PTPN4: variants seen among roughly 807,000 people sequenced by gnomAD.
PTPN4 encodes tyrosine-protein phosphatase non-receptor type 4.
Under a neutral mutation model 135.5 loss-of-function variants are expected in PTPN4, and 49 were observed. The ratio of observed to expected loss-of-function variants is 0.36; its 90% CI spans 0.29 to 0.46. PTPN4 has a LOEUF of 0.46. PTPN4 is among the 20% of genes least tolerant of loss of function. The pLI is 1.00. For missense variants in PTPN4, 860 were observed against 1,101.0 expected (o/e 0.78, Z 3.10); for synonymous variants, 333 against 369.9 (o/e 0.90, Z 1.14).
At chr2:119,794,294 C>T (rs1215296431) in intron 1 of PTPN4, among the ~76,000 whole-genome samples, 1 of 152,192 alleles carries the variant, frequency 6.6e-6, no homozygotes, top group African/African-American at 2.4e-5. Flanking sequence ...GCGCCTTTGC[C>T]TGAGTTTTGT....
intron 2 of PTPN4, among the ~76,000 whole-genome samples, chr2:119,842,131 A>G (rs1677390635): frequency 6.6e-6 from 1 of 152,224 alleles, no homozygotes; most frequent in Non-Finnish European, 1.5e-5. Flanking sequence ...AAACTCAGAA[A>G]GATAAGGAAG....
At chr2:119,774,044 A>C (rs963637815) in intron 1 of PTPN4, among the ~76,000 whole-genome samples, 3 of 152,236 alleles carry the variant, frequency 2.0e-5, no homozygotes, top group African/African-American at 7.2e-5. Flanking sequence ...GTATCCATTT[A>C]AAATGCCATG....
At chr2:119,966,711 T>C (rs1164086496) in intron 25 of PTPN4, among the ~76,000 whole-genome samples, 1 of 152,228 alleles carries the variant, frequency 6.6e-6, no homozygotes, top group Admixed American at 6.5e-5. Flanking sequence ...AGGACATTCA[T>C]TGAGTACTCC....
chr2:119,955,325 T>G lies in PTPN4; in HGVS notation c.1980+2T>G. On this transcript the variant is annotated splice_donor_variant, in intron 20 of 26. Transcript: ENST00000263708. LOFTEE classifies it high-confidence loss of function. ...GGAACAGTCCTGACACAGTTTGATG[T>G]AAGTAATATCATTATATATTAAAAG... The G allele has an allele frequency of 6.4e-7, 1 of 1,568,074 alleles. No individual in the cohort carries two copies. Among genetic ancestry groups the G allele is most frequent in the Non-Finnish European group, 8.6e-7 (1 of 1,161,574 alleles).
At chr2:119,822,559 A>G (rs368558729) in intron 2 of PTPN4, among the ~76,000 whole-genome samples, 3 of 152,060 alleles carry the variant, frequency 2.0e-5, no homozygotes, top group South Asian at 2.1e-4. Flanking sequence ...GGGTTTCACT[A>G]TGTTGGTCAG....
In PTPN4 at chr2:119,955,251, C is replaced by A. The variant is rs1164263661; in HGVS notation, c.1908C>A (p.Asp636Glu). 1 of 1,613,530 alleles carries A rather than the reference C, an allele frequency of 6.2e-7. No homozygotes were observed. Among genetic ancestry groups the A allele is most frequent in the Non-Finnish European group, 8.5e-7 (1 of 1,179,822 alleles). The change falls in exon 20 of 27, where the codon GAC becomes GAA. Residue 636 changes from aspartate to glutamate, a missense_variant. Asp to Glu is a conservative substitution (Grantham distance 45). Coordinates refer to ENST00000263708, the MANE Select transcript of PTPN4 (RefSeq NM_002830.4). ...CACTAGATAGTGTGCATCAGGATGA[C>A]CATTCCCTGCGGGAGTCAATGATCC... ...KAPLDSVHQD[D>E]HSLRESMIQL...
intron 12 of PTPN4, among the ~76,000 whole-genome samples, chr2:119,924,136 C>CAAAA (rs35572826): frequency 9.1e-5 from 7 of 77,252 alleles, no homozygotes; most frequent in African/African-American, 1.8e-4. Context: ...GACTCCGTCT[C>CAAAA]AAAAAAAAAA....
chr2:119,814,546 A>G (rs889335352), intron 2 of PTPN4, among the ~76,000 whole-genome samples: 2 of 152,170 alleles, frequency 1.3e-5, no homozygotes, highest in African/African-American at 4.8e-5. Context: ...TGTGGGGTAA[A>G]TGAACTTGCT....
At chr2:119,848,242 C>T (rs1295670423) in intron 2 of PTPN4, among the ~76,000 whole-genome samples, 15 of 150,348 alleles carry the variant, frequency 1.0e-4, no homozygotes, top group Middle Eastern at 3.4e-3. Flanking sequence ...GGCTCCATCT[C>T]GGCTCACTGC....
At chr2:119,967,787 G>A in intron 25 of PTPN4, 50 bp from the exon 26 acceptor site, 1 of 1,433,444 alleles carries the variant, frequency 7.0e-7, no homozygotes, top group Non-Finnish European at 9.3e-7. Flanking sequence ...GCCACAAGTA[G>A]TTTAACAGAA....
intron 3 of PTPN4, among the ~76,000 whole-genome samples, chr2:119,862,947 G>A (rs1009829973): frequency 6.6e-6 from 1 of 151,982 alleles, no homozygotes; most frequent in South Asian, 2.1e-4. Flanking sequence ...TGGGCATAAA[G>A]GTTAAAATAC....
chr2:119,779,604 G>A (rs1333020902), intron 1 of PTPN4, among the ~76,000 whole-genome samples: 8 of 145,934 alleles, frequency 5.5e-5, no homozygotes, highest in Admixed American at 2.1e-4. Flanking sequence ...GCAACAGAGC[G>A]AGACTCCGTC....
intron 1 of PTPN4, among the ~76,000 whole-genome samples, chr2:119,783,807 A>C (rs951854148): frequency 6.6e-6 from 1 of 152,254 alleles, no homozygotes; most frequent in Non-Finnish European, 1.5e-5. Flanking sequence ...ATTTAGTAGC[A>C]TAAGTTAATC....
At position 119,977,117 on chromosome 2, in the gene PTPN4, A is replaced by T. The variant is rs1203585580; in HGVS notation, c.*47A>T. ...ATGTGTTGGAAAACTGCTTTCCCTT[A>T]TGTTCACTGTGCCATAATGCTGCTC... On this transcript the variant is annotated 3_prime_UTR_variant, in exon 27 of 27. Coordinates refer to ENST00000263708, the MANE Select transcript of PTPN4 (RefSeq NM_002830.4). The T allele has an allele frequency of 6.5e-7, 1 of 1,548,060 alleles. No individual in the cohort carries two copies. The highest frequency in any genetic ancestry group is 8.7e-7 in the Non-Finnish European group (1 of 1,154,354).
chr2:119,848,655 C>G (rs1677543556), intron 2 of PTPN4, among the ~76,000 whole-genome samples: 1 of 152,132 alleles, frequency 6.6e-6, no homozygotes, highest in Non-Finnish European at 1.5e-5. Context: ...GGCTGGATTG[C>G]AGTGATGCAA....
chr2:119,899,864 T>C (rs1678379039), intron 9 of PTPN4, among the ~76,000 whole-genome samples: 1 of 152,164 alleles, frequency 6.6e-6, no homozygotes, highest in Non-Finnish European at 1.5e-5. Flanking sequence ...TTTTATTTCA[T>C]TAGAAGTTAT....
At chr2:119,763,892 A>T (rs1310075545) in intron 1 of PTPN4, among the ~76,000 whole-genome samples, 1 of 152,166 alleles carries the variant, frequency 6.6e-6, no homozygotes, top group African/African-American at 2.4e-5. Context: ...TCTGAGTTGT[A>T]GTATTTAATC....
intron 1 of PTPN4, among the ~76,000 whole-genome samples, chr2:119,798,564 T>C (rs1366057401): frequency 6.6e-6 from 1 of 152,206 alleles, no homozygotes; most frequent in Non-Finnish European, 1.5e-5. Context: ...GCATATTTTT[T>C]CCCAAAGAGA....
chr2:119,973,678 T>TTTTTTTTTTTTTTTTA (rs1679572226), intron 26 of PTPN4, among the ~76,000 whole-genome samples: 1 of 130,658 alleles, frequency 7.7e-6, no homozygotes, highest in African/African-American at 2.7e-5. Flanking sequence ...TTTTTTTTTT[T>TTTTTTTTTTTTTTTTA]TTTTGGTAAT....
Sources: allele counts gnomAD v4.1 joint callset (sites outside exome capture counted in the v4.1 genomes callset), GRCh38; gene constraint gnomAD v4.1.1; transcripts MANE v1.5; gene names NCBI Gene and HGNC (gene_info 2026-07-23, HGNC 2026-07-21).